The following CRHR1 variants were observed in gnomAD, a reference collection of about 807,000 sequenced individuals.
The protein encoded by CRHR1 is corticotropin releasing hormone receptor 1, also known as corticotropin-releasing hormone receptor 1.
In CRHR1, 28 loss-of-function variants were observed where a neutral mutation model predicts 56.0. The ratio of observed to expected loss-of-function variants is 0.50; its 90% confidence interval spans 0.37 to 0.69. CRHR1 has a LOEUF of 0.69. CRHR1 is among the 30% of genes least tolerant of loss of function. The pLI, the probability that CRHR1 is intolerant of heterozygous loss-of-function variation, is 0.00. For synonymous variants in CRHR1, 195 were observed against 216.5 expected (o/e 0.90, Z 0.87); for missense variants, 376 against 548.0 (o/e 0.69, Z 3.13).
intron 1 of CRHR1, among the ~76,000 whole-genome samples, chr17:45,791,850 T>TCACACACACA (rs1327755962): frequency 2.7e-5 from 3 of 112,154 alleles, no homozygotes; most frequent in African/African-American, 9.2e-5. Flanking sequence ...TCTCTCTCTC[T>TCACACACACA]CTCACACACA....
chr17:45,824,355 C>T (rs2062111567), intron 4 of CRHR1, among the ~76,000 whole-genome samples: 1 of 152,222 alleles, frequency 6.6e-6, no homozygotes, highest in South Asian at 2.1e-4. Flanking sequence ...AGGCTGCAGG[C>T]CGCACTGTCT....
chr17:45,819,083 C>A (rs896866873), intron 3 of CRHR1, among the ~76,000 whole-genome samples: 2 of 152,270 alleles, frequency 1.3e-5, no homozygotes, highest in East Asian at 1.9e-4. Context: ...AGCAAAGGGG[C>A]TCCTCCCACA....
chr17:45,832,959 T>A (rs1240121772), intron 8 of CRHR1, among the ~76,000 whole-genome samples, 179 bp from the exon 9 acceptor site: 1 of 152,248 alleles, frequency 6.6e-6, no homozygotes, highest in Non-Finnish European at 1.5e-5. Context: ...GTTCTGCAGA[T>A]GGGACAATTG....
intron 1 of CRHR1, among the ~76,000 whole-genome samples, chr17:45,794,495 G>A (rs2061482856): frequency 6.6e-6 from 1 of 152,234 alleles, no homozygotes; most frequent in Middle Eastern, 3.2e-3. Context: ...GCACTTGTGT[G>A]TCTCCATTGC....
chr17:45,824,638 G>A (rs751034409), intron 4 of CRHR1, among the ~76,000 whole-genome samples: 1 of 152,200 alleles, frequency 6.6e-6, no homozygotes, highest in African/African-American at 2.4e-5. Flanking sequence ...TCGGGAGCCC[G>A]GTCTCATCAG....
chr17:45,819,579 G>A (rs1339774966), intron 3 of CRHR1, among the ~76,000 whole-genome samples: 7 of 152,030 alleles, frequency 4.6e-5, no homozygotes, highest in African/African-American at 7.3e-5. Flanking sequence ...CTGGTTCCTC[G>A]TCTCACCCTC....
chr17:45,787,861 G>A (rs2061362715), intron 1 of CRHR1, among the ~76,000 whole-genome samples: 1 of 152,380 alleles, frequency 6.6e-6, no homozygotes, highest in Admixed American at 6.5e-5. Flanking sequence ...CCCAGGGTGG[G>A]CCAGTGGGCT....
Position 45,834,847 on chromosome 17 carries a change from G to A in CRHR1, c.*83G>A. The A allele has an allele frequency of 6.3e-7, 1 of 1,585,012 alleles. No individual in the cohort carries two copies. Among genetic ancestry groups the A allele is most frequent in the Middle Eastern group, 1.7e-4 (1 of 5,992 alleles). On this transcript the variant is annotated 3_prime_UTR_variant, in exon 13 of 13. Coordinates refer to ENST00000314537, the MANE Select transcript of CRHR1 (RefSeq NM_004382.5). ...CTCCCTGACCACCCTGCCTGTGGAG[G>A]TGACCTGTTAGGTCTCATGCCCACT...
chr17:45,828,517 C>T (rs543467527), intron 4 of CRHR1, among the ~76,000 whole-genome samples: 44 of 152,308 alleles, frequency 2.9e-4, no homozygotes, highest in African/African-American at 6.3e-4. Flanking sequence ...CAGTGACCTC[C>T]ATCAGTATAT....
chr17:45,800,286 T>G (rs889285922), intron 1 of CRHR1: 3 of 152,176 alleles, frequency 2.0e-5, no homozygotes, highest in African/African-American at 7.2e-5. Flanking sequence ...ACCTTTTAAA[T>G]GGAAAAACTC....
chr17:45,812,741 A>G (rs2061846742), intron 2 of CRHR1, among the ~76,000 whole-genome samples: 1 of 151,482 alleles, frequency 6.6e-6, no homozygotes, highest in South Asian at 2.1e-4. Flanking sequence ...TTTCTTCCTT[A>G]GTGTCTTCTT....
At chr17:45,828,687 A>T (rs758906733) in intron 4 of CRHR1, among the ~76,000 whole-genome samples, 1 of 152,220 alleles carries the variant, frequency 6.6e-6, no homozygotes, top group East Asian at 1.9e-4. Context: ...GATTCTGTGG[A>T]TGCCAGAGCC....
intron 1 of CRHR1, among the ~76,000 whole-genome samples, chr17:45,799,113 T>C (rs12936181): frequency 0.16 from 23,880 of 152,094 alleles, 2,878 homozygotes; most frequent in African/African-American, 0.34. Context: ...CTGTGCCTAG[T>C]CTAGTTTTAC....
chr17:45,816,887 G>A lies in CRHR1; in HGVS notation c.241+305G>A, dbSNP rs565479540. ...GGGTGAAGCTGGAATTTGCATCCAC[G>A]TCTGTCTGGCACTTTCTTCTGCCAT... On this transcript the variant is annotated intron_variant, in intron 3 of 12. Transcript: ENST00000314537. Among the ~76,000 whole-genome samples the A allele has an allele frequency of 6.1e-4, 93 of 152,316 alleles. 1 individual carries two copies. The highest frequency in any genetic ancestry group is 2.1e-3 in the African/African-American group (87 of 41,570).
At chr17:45,810,543 A>G (rs2061802301) in intron 2 of CRHR1, among the ~76,000 whole-genome samples, 1 of 152,132 alleles carries the variant, frequency 6.6e-6, no homozygotes, top group Non-Finnish European at 1.5e-5. Context: ...GCACTGCGTT[A>G]TGCGGCCACT....
At chr17:45,814,080 A>G (rs1258377000) in intron 2 of CRHR1, among the ~76,000 whole-genome samples, 2 of 152,220 alleles carry the variant, frequency 1.3e-5, no homozygotes, top group East Asian at 3.9e-4. Context: ...AGCAAGGCGC[A>G]AGAAGACTGG....
intron 1 of CRHR1, among the ~76,000 whole-genome samples, chr17:45,795,070 C>T (rs1439949196): frequency 6.6e-6 from 1 of 152,210 alleles, no homozygotes; most frequent in Non-Finnish European, 1.5e-5. Context: ...GGAGCTGACC[C>T]AGCAGGGCCA....
chr17:45,818,497 T>G (rs1837106447), intron 3 of CRHR1, among the ~76,000 whole-genome samples: 1 of 152,146 alleles, frequency 6.6e-6, no homozygotes. Context: ...GCACAGACCT[T>G]CTGTGGGCCT....
At chr17:45,802,489 G>T (rs1001800930) in intron 1 of CRHR1, among the ~76,000 whole-genome samples, 1 of 152,178 alleles carries the variant, frequency 6.6e-6, no homozygotes, top group African/African-American at 2.4e-5. Flanking sequence ...GGAGATCAGC[G>T]GATGGTGGGA....
Sources: allele counts gnomAD v4.1 joint callset (sites outside exome capture counted in the v4.1 genomes callset), GRCh38; gene constraint gnomAD v4.1.1; transcripts MANE v1.5; gene names NCBI Gene and HGNC (gene_info 2026-07-23, HGNC 2026-07-21).